The following WWTR1 variants were observed in gnomAD, a reference collection of about 807,000 sequenced individuals.
The protein encoded by WWTR1 is WW domain-containing transcription regulator protein 1.
In WWTR1, 13 loss-of-function variants were observed where a neutral mutation model predicts 40.1. The ratio of observed to expected loss-of-function variants is 0.32; its 90% CI spans 0.21 to 0.52. The LOEUF is 0.52. Among genes scored for constraint, WWTR1 ranks in the 20% least tolerant of loss-of-function variants. The pLI is 0.97. For synonymous variants in WWTR1, 230 were observed against 210.1 expected (o/e 1.09, Z -0.82); for missense variants, 436 against 523.1 (o/e 0.83, Z 1.63).
At chr3:149,644,000 A>T (rs1234448439) in intron 2 of WWTR1, among the ~76,000 whole-genome samples, 1 of 152,118 alleles carries the variant, frequency 6.6e-6, no homozygotes, top group Non-Finnish European at 1.5e-5. Context: ...CAACCACACC[A>T]GGATTTGAAT....
rs573228821 is a variant in WWTR1, at chr3:149,525,826, C to T, written c.1018+187G>A. 5.1e-4 allele frequency: 195 copies of T among 382,920 alleles called. 1 individual carries two copies. The highest frequency in any genetic ancestry group is 3.5e-3 in the African/African-American group (169 of 47,944). 23.7% of individuals were successfully genotyped at this position (382,920 alleles called of 1,614,324 possible). ...GGTACTATGCTCACTACCTGGGTGA[C>T]GAGAGCAATCGTATCCCAAACCCCG... On this transcript the variant is annotated intron_variant, in intron 6 of 6. Coordinates refer to ENST00000360632, the MANE Select transcript of WWTR1 (RefSeq NM_015472.6).
upstream of WWTR1, among the ~76,000 whole-genome samples, chr3:149,660,733 A>G (rs931164402): frequency 1.3e-5 from 2 of 152,232 alleles, no homozygotes; most frequent in African/African-American, 4.8e-5. Context: ...AATTAGGGAC[A>G]ATAACAGTAC....
chr3:149,645,437 G>A (rs981350326), intron 2 of WWTR1, among the ~76,000 whole-genome samples: 30 of 152,088 alleles, frequency 2.0e-4, no homozygotes, highest in African/African-American at 2.4e-5. Flanking sequence ...CTCCTAAAAT[G>A]CTGGGATTAC....
intron 5 of WWTR1, among the ~76,000 whole-genome samples, chr3:149,711,723 A>C (rs1715483675): frequency 6.6e-6 from 1 of 152,184 alleles, no homozygotes; most frequent in Non-Finnish European, 1.5e-5. Context: ...TCTTTCTTAA[A>C]ACATTTTCTT....
At chr3:149,638,530 A>G (rs947213095) in intron 2 of WWTR1, among the ~76,000 whole-genome samples, 2 of 152,092 alleles carry the variant, frequency 1.3e-5, no homozygotes, top group African/African-American at 4.8e-5. Context: ...CTTTTAACCA[A>G]ATGTTAAAAA....
chr3:149,619,392 G>C (rs751278745), intron 2 of WWTR1, among the ~76,000 whole-genome samples: 1 of 152,184 alleles, frequency 6.6e-6, no homozygotes, highest in Non-Finnish European at 1.5e-5. Context: ...ACGCCAAGGT[G>C]AGAGGATTGC....
At chr3:149,627,364 GAAT>G (rs1389933907) in intron 2 of WWTR1, among the ~76,000 whole-genome samples, 1 of 152,170 alleles carries the variant, frequency 6.6e-6, no homozygotes, top group Non-Finnish European at 1.5e-5. Context: ...AATCAACCCT[GAAT>G]TTATGCTGAA....
intron 6 of WWTR1, among the ~76,000 whole-genome samples, chr3:149,522,803 G>A (rs1031289346): frequency 6.6e-6 from 1 of 152,028 alleles, no homozygotes; most frequent in Non-Finnish European, 1.5e-5. Flanking sequence ...TTGGGAGGCC[G>A]AGGTGGGTGG....
intron 2 of WWTR1, among the ~76,000 whole-genome samples, chr3:149,585,045 T>C (rs1738347283): frequency 6.6e-6 from 1 of 151,706 alleles, no homozygotes; most frequent in Admixed American, 6.6e-5. Context: ...TATAGTACAA[T>C]GAACACAAGA....
intron 2 of WWTR1, among the ~76,000 whole-genome samples, chr3:149,604,379 C>T (rs1326877731): frequency 1.3e-5 from 2 of 152,212 alleles, no homozygotes; most frequent in Non-Finnish European, 2.9e-5. Flanking sequence ...TCCATCTCTA[C>T]TCATCATCCA....
At chr3:149,530,583 T>C (rs1735527535) in intron 4 of WWTR1, among the ~76,000 whole-genome samples, 2 of 151,704 alleles carry the variant, frequency 1.3e-5, no homozygotes, top group East Asian at 3.9e-4. Flanking sequence ...CTATTTCCAG[T>C]AAATAAAACA....
chr3:149,599,491 G>A (rs907471631), intron 2 of WWTR1, among the ~76,000 whole-genome samples: 34 of 152,342 alleles, frequency 2.2e-4, no homozygotes, highest in Admixed American at 1.1e-3. Flanking sequence ...AAGTCTTTGC[G>A]CAAGCAAAAC....
intron 2 of WWTR1, among the ~76,000 whole-genome samples, chr3:149,634,992 G>A (rs1560095755): frequency 6.6e-6 from 1 of 152,222 alleles, no homozygotes. Flanking sequence ...GAGGAGAGGA[G>A]GAATCCCTGC....
At chr3:149,523,582 G>A (rs1490918995) in intron 6 of WWTR1, among the ~76,000 whole-genome samples, 1 of 152,216 alleles carries the variant, frequency 6.6e-6, no homozygotes, top group Non-Finnish European at 1.5e-5. Context: ...GATTACTGCA[G>A]AATATTCTGG....
chr3:149,716,720 T>C (rs1223029615), intron 5 of WWTR1, among the ~76,000 whole-genome samples: 1 of 152,162 alleles, frequency 6.6e-6, no homozygotes, highest in Admixed American at 6.5e-5. Flanking sequence ...TTCTTAATAC[T>C]CATATTATTT....
intron 2 of WWTR1, among the ~76,000 whole-genome samples, chr3:149,575,580 A>G (rs1370289221): frequency 1.3e-5 from 2 of 152,186 alleles, no homozygotes; most frequent in African/African-American, 4.8e-5. Context: ...GTGGAAATAT[A>G]CATCATTTGC....
At chr3:149,576,443 T>TGTAA (rs1396767825) in intron 2 of WWTR1, among the ~76,000 whole-genome samples, 3 of 152,196 alleles carry the variant, frequency 2.0e-5, no homozygotes, top group Non-Finnish European at 4.4e-5. Flanking sequence ...TATTTCACAG[T>TGTAA]GTAATCTCAG....
At chr3:149,706,516 C>G (rs1236347874), upstream of WWTR1, among the ~76,000 whole-genome samples, 1 of 151,982 alleles carries the variant, frequency 6.6e-6, no homozygotes, top group African/African-American at 2.4e-5. Context: ...CAGGGTTTCT[C>G]CATGTTGATC....
intron 2 of WWTR1, among the ~76,000 whole-genome samples, chr3:149,621,018 A>G (rs1484358825): frequency 6.6e-6 from 1 of 152,232 alleles, no homozygotes; most frequent in African/African-American, 2.4e-5. Flanking sequence ...TATTGGAATT[A>G]ATTTTGCTGA....
Sources: gnomAD v4.1 joint callset for allele counts (sites outside exome capture counted in the v4.1 genomes callset) on GRCh38, gnomAD v4.1.1 for gene constraint, MANE v1.5 for transcripts, NCBI Gene and HGNC (gene_info 2026-07-23, HGNC 2026-07-21) for gene names.